The following RAB4B variants were observed in gnomAD, a reference collection of about 807,000 sequenced individuals.
The protein encoded by RAB4B is ras-related protein Rab-4B.
A neutral mutation model predicts 28.3 loss-of-function variants in RAB4B; 15 were observed. The observed-to-expected ratio is 0.53, with a 90% CI of 0.35 to 0.82. RAB4B has a LOEUF of 0.82. Among genes scored for constraint, RAB4B ranks in the 40% least tolerant of loss-of-function variants. The pLI, the probability that RAB4B is intolerant of heterozygous loss-of-function variation, is 0.01. For missense variants in RAB4B, 244 were observed against 288.5 expected (o/e 0.85, Z 1.12); for synonymous variants, 108 against 116.3 (o/e 0.93, Z 0.46).
chr19:40,783,833 A>G lies in RAB4B; in HGVS notation c.268A>G (p.Ile90Val), dbSNP rs2083073512. The G allele has an allele frequency of 3.2e-6, 5 of 1,576,168 alleles. No individual in the cohort carries two copies. In the East Asian group the frequency reaches 1.1e-4, roughly 36 times the overall value. The stretch of plus-strand genomic sequence containing the variant: ...GGCTGGAGCCCTGCTGGTGTACGAC[A>G]TCACCAGGTGGGTGCCCGGGGTGGG... ...GAAGALLVYD[I>V]TSRETYNSLA... is the part of the protein sequence containing the mutation. The change falls in exon 4 of 8, where the codon ATC becomes GTC. Residue 90 changes from isoleucine (I) to valine (V), a missense_variant. Ile to Val is a conservative substitution (Grantham distance 29). Transcript: ENST00000357052.
At chr19:40,791,484 C>T (rs952599195) in intron 7 of RAB4B, among the ~76,000 whole-genome samples, 7 of 152,134 alleles carry the variant, frequency 4.6e-5, no homozygotes, top group African/African-American at 1.7e-4. Context: ...TTGTCGGTCT[C>T]CCTACCTCTC....
In RAB4B at chr19:40,780,042, A is replaced by C; in HGVS notation, c.40A>C (p.Ile14Leu). 3 of 1,611,252 alleles carry C rather than the reference A, an allele frequency of 1.9e-6. No individual in the cohort carries two copies. Among genetic ancestry groups the C allele is most frequent in the Non-Finnish European group, 2.5e-6 (3 of 1,177,548 alleles). ...TYDFLFKFLV[I>L]GSAGTGKSCL... is the part of the protein sequence containing the mutation. ...AGACTTCCTCTTCAAATTCCTGGTG[A>C]TTGGCAGTGCAGGAACTGGCAAATC... Residue 14 changes from isoleucine to leucine, a missense_variant, in exon 2 of 8, where the codon ATT becomes CTT. Transcript: ENST00000357052.
Position 40,780,009 on chromosome 19 carries a change from A to G in RAB4B, c.17-10A>G, listed in dbSNP as rs1419958636. ...TGTGGGTATCCCTGATTTTGGCTCCATCTGGTCAGACTTCCTCTTCAAATT... is the reference window on the plus strand; with the variant it reads ...TGTGGGTATCCCTGATTTTGGCTCCGTCTGGTCAGACTTCCTCTTCAAATT... On this transcript the variant is annotated splice_polypyrimidine_tract_variant and intron_variant, in intron 1 of 7. Coordinates refer to ENST00000357052, the MANE Select transcript of RAB4B (RefSeq NM_016154.5). 1 of 1,612,214 alleles carries G rather than the reference A, an allele frequency of 6.2e-7. No homozygotes were observed. Among genetic ancestry groups the G allele is most frequent in the Non-Finnish European group, 8.5e-7 (1 of 1,178,382 alleles).
rs1016947010 is a variant in RAB4B, at chr19:40,780,326, GA to G, written c.98-58del. 15 of 1,491,696 alleles carry G rather than the reference GA, an allele frequency of 1.0e-5. No homozygotes were observed. The Admixed American group carries it at 1.6e-4, about 16-fold the overall frequency. The allele number at this position is 1,491,696 out of a possible 1,614,324, so 92.4% of individuals were successfully genotyped here. A position where few individuals can be genotyped will look rare whatever the true frequency, so the allele number is the denominator to read the frequency against. The stretch of plus-strand genomic sequence containing the variant: ...ACTGAGAGGGCCTTGGAGGATGGGG[GA>G]TCCTCTGAGCTGTCTCCTCTCTCCC... On this transcript the variant is annotated intron_variant, in intron 2 of 7. Transcript: ENST00000357052.
intron 7 of RAB4B, among the ~76,000 whole-genome samples, chr19:40,790,474 C>T (rs1204441322): frequency 1.4e-5 from 2 of 143,150 alleles, no homozygotes; most frequent in Non-Finnish European, 3.1e-5. Flanking sequence ...GGGTTCATGC[C>T]ATTCTCCTGC....
chr19:40,780,720 T>C (rs1412033889), intron 3 of RAB4B, among the ~76,000 whole-genome samples: 1 of 151,960 alleles, frequency 6.6e-6, no homozygotes, highest in Non-Finnish European at 1.5e-5. Context: ...GCGCAATGGC[T>C]CATGCCGGTA....
At chr19:40,793,663 C>G (rs548423783) in intron 7 of RAB4B, among the ~76,000 whole-genome samples, 1 of 148,768 alleles carries the variant, frequency 6.7e-6, no homozygotes, top group Non-Finnish European at 1.5e-5. Flanking sequence ...CAGTGGCTCA[C>G]GCCTGTAATC....
intron 5 of RAB4B, among the ~76,000 whole-genome samples, chr19:40,784,591 G>A (rs1365052863): frequency 6.6e-6 from 1 of 152,130 alleles, no homozygotes; most frequent in African/African-American, 2.4e-5. Context: ...CTGGAAAGTG[G>A]GATCACAGTG....
At chr19:40,788,731 C>T (rs955345957) in intron 7 of RAB4B, among the ~76,000 whole-genome samples, 3 of 147,948 alleles carry the variant, frequency 2.0e-5, no homozygotes, top group Admixed American at 6.9e-5. Context: ...AGATTACAGG[C>T]GACTACCACC....
chr19:40,791,505 A>T (rs554064759), intron 7 of RAB4B, among the ~76,000 whole-genome samples: 4 of 152,058 alleles, frequency 2.6e-5, no homozygotes, highest in African/African-American at 9.6e-5. Context: ...AGGCCACTCC[A>T]GCCACACTGA....
intron 3 of RAB4B, among the ~76,000 whole-genome samples, chr19:40,780,839 G>A (rs1469769470): frequency 6.6e-6 from 1 of 151,728 alleles, no homozygotes; most frequent in Non-Finnish European, 1.5e-5. Flanking sequence ...AAAAGAGATA[G>A]AGAAAAGTGG....
At chr19:40,788,481 TA>T (rs751428239) in intron 7 of RAB4B, among the ~76,000 whole-genome samples, 7,266 of 67,076 alleles carry the variant, frequency 0.11, 509 homozygotes, top group African/African-American at 0.29. Flanking sequence ...GCGAGACTCT[TA>T]AAAAAAAAAA....
At chr19:40,778,555 A>G (rs2083017295) in intron 1 of RAB4B, among the ~76,000 whole-genome samples, 164 bp downstream of exon 1, 1 of 152,006 alleles carries the variant, frequency 6.6e-6, no homozygotes, top group Non-Finnish European at 1.5e-5. Flanking sequence ...GCTGAGCTTA[A>G]TCGATTTAGG....
intron 3 of RAB4B, among the ~76,000 whole-genome samples, chr19:40,780,724 G>T (rs1167610276): frequency 6.6e-6 from 1 of 152,042 alleles, no homozygotes; most frequent in African/African-American, 2.4e-5. Context: ...AATGGCTCAT[G>T]CCGGTAATCC....
chr19:40,787,961 CAAAAAAAAAA>C (rs56997006), intron 7 of RAB4B, among the ~76,000 whole-genome samples: 88 of 69,454 alleles, frequency 1.3e-3, no homozygotes, highest in African/African-American at 3.7e-3. Flanking sequence ...GACTCTGTCT[CAAAAAAAAAA>C]AAAAAAAAAA....
chr19:40,795,305 G>A (rs890061711), intron 7 of RAB4B, among the ~76,000 whole-genome samples: 5 of 151,980 alleles, frequency 3.3e-5, no homozygotes, highest in Non-Finnish European at 5.9e-5. Context: ...ACAGTGAAAT[G>A]AGACTTAGAG....
At chr19:40,793,916 TC>T (rs1469097384) in intron 7 of RAB4B, among the ~76,000 whole-genome samples, 8 of 151,552 alleles carry the variant, frequency 5.3e-5, no homozygotes, top group Middle Eastern at 3.2e-3. Context: ...AGAGCTAGAC[TC>T]CGTCTCACAA....
intron 3 of RAB4B, among the ~76,000 whole-genome samples, chr19:40,781,276 G>T (rs1028419311): frequency 1.3e-5 from 2 of 150,546 alleles, no homozygotes; most frequent in African/African-American, 4.9e-5. Context: ...GACAGAGCGA[G>T]ACTCTGTCTC....
At chr19:40,784,679 G>C (rs2083081869) in intron 5 of RAB4B, among the ~76,000 whole-genome samples, 1 of 152,158 alleles carries the variant, frequency 6.6e-6, no homozygotes, top group African/African-American at 2.4e-5. Context: ...GTGGGTGCTA[G>C]ATTAATGTTG....
Sources: gnomAD v4.1 joint callset for allele counts (sites outside exome capture counted in the v4.1 genomes callset) on GRCh38, gnomAD v4.1.1 for gene constraint, MANE v1.5 for transcripts, NCBI Gene and HGNC (gene_info 2026-07-23, HGNC 2026-07-21) for gene names.